Variants in GRIN2B observed in about 807,000 individuals in gnomAD.
The protein encoded by GRIN2B is glutamate ionotropic receptor NMDA type subunit 2B, also known as glutamate receptor ionotropic, NMDA 2B.
In GRIN2B, 5 loss-of-function variants were observed where a neutral mutation model predicts 114.5. That is an observed-to-expected ratio of 0.04 (90% CI 0.02 to 0.09). The LOEUF is 0.09. GRIN2B is among the 10% of genes least tolerant of loss of function. The pLI is 1.00. For synonymous variants in GRIN2B, 787 were observed against 745.1 expected, an observed-to-expected ratio of 1.06 and a Z score of -0.92; for missense variants, 1,108 against 1,943.5, an observed-to-expected ratio of 0.57 and a Z score of 8.08.
chr12:13,679,589 C>T (rs1425015519), intron 4 of GRIN2B, among the ~76,000 whole-genome samples: 3 of 152,084 alleles, frequency 2.0e-5, no homozygotes, highest in Non-Finnish European at 4.4e-5. Flanking sequence ...TATTCTTCTC[C>T]AAAGTATCCT....
intron 5 of GRIN2B, among the ~76,000 whole-genome samples, chr12:13,658,460 G>GA (rs1949889344): frequency 6.6e-6 from 1 of 152,012 alleles, no homozygotes; most frequent in South Asian, 2.1e-4. Flanking sequence ...CTCAGATTCT[G>GA]AAAAAGAGAT....
intron 2 of GRIN2B, among the ~76,000 whole-genome samples, chr12:13,902,894 T>C (rs77338341): frequency 0.06 from 9,082 of 152,306 alleles, 367 homozygotes; most frequent in Non-Finnish European, 0.098. Flanking sequence ...GGCACACTTT[T>C]TTAGAAAGAT....
intron 3 of GRIN2B, among the ~76,000 whole-genome samples, chr12:13,767,588 C>T (rs74065284): frequency 0.014 from 2,142 of 152,236 alleles, 49 homozygotes; most frequent in African/African-American, 0.048. Context: ...ATGATCTGAG[C>T]TAGAGGTACT....
intron 2 of GRIN2B, among the ~76,000 whole-genome samples, chr12:13,923,729 G>A (rs1173038692): frequency 6.6e-6 from 1 of 152,048 alleles, no homozygotes; most frequent in Non-Finnish European, 1.5e-5. Context: ...ATCTTTGCTT[G>A]GGGCTAAAAG....
intron 4 of GRIN2B, among the ~76,000 whole-genome samples, chr12:13,689,130 T>C (rs763774436): frequency 1.3e-5 from 2 of 152,180 alleles, no homozygotes; most frequent in Non-Finnish European, 1.5e-5. Context: ...TGGCACAAAC[T>C]CTTCTTCTAA....
intron 4 of GRIN2B, among the ~76,000 whole-genome samples, chr12:13,716,564 G>T (rs1950457783): frequency 6.6e-6 from 1 of 151,906 alleles, no homozygotes; most frequent in African/African-American, 2.4e-5. Flanking sequence ...TGAAATACGA[G>T]ATTGATGTCG....
chr12:13,575,410 G>A (rs1365532248), intron 10 of GRIN2B, among the ~76,000 whole-genome samples: 1 of 152,174 alleles, frequency 6.6e-6, no homozygotes, highest in Non-Finnish European at 1.5e-5. Context: ...TGTAATCCCA[G>A]CACTTTGGAA....
rs574130239 is a variant in GRIN2B, at chr12:13,564,195, A to T, written c.3043T>A (p.Ser1015Thr). ...DCDNPPFTTQ[S>T]RSISKKPLDI... ...AGGGGCTTCTTGCTGATGGACCTGG[A>T]CTGGGTGGTGAAGGGTGGGTTGTCA... Residue 1015 changes from serine (S) to threonine (T), a missense_variant, in exon 14 of 14, where the codon TCC becomes ACC. By Grantham distance (58) the Ser-to-Thr change is moderately conservative (BLOSUM62 1). Coordinates refer to ENST00000609686, the MANE Select transcript of GRIN2B (RefSeq NM_000834.5). This position sits in a 1 kb window ranked among gnomAD's most constrained non-coding sequence, Gnocchi z 4.8. 1.9e-6 allele frequency: 3 copies of T among 1,614,024 alleles called. No homozygotes were observed. Among genetic ancestry groups the T allele is most frequent in the Non-Finnish European group, 2.5e-6 (3 of 1,179,988 alleles).
chr12:13,844,267 T>C (rs1865432563), intron 3 of GRIN2B, among the ~76,000 whole-genome samples: 1 of 152,210 alleles, frequency 6.6e-6, no homozygotes, highest in South Asian at 2.1e-4. Context: ...TTAATCCTTC[T>C]CCTTATTTTA....
intron 5 of GRIN2B, among the ~76,000 whole-genome samples, chr12:13,641,218 C>A (rs112763502): frequency 0.24 from 36,227 of 151,830 alleles, 5,500 homozygotes; most frequent in Middle Eastern, 0.41. Flanking sequence ...ATTACAGGTG[C>A]CTGCCACCAC....
chr12:13,571,732 A>T, intron 11 of GRIN2B, 72 bp downstream of exon 11: 3 of 1,440,106 alleles, frequency 2.1e-6, no homozygotes, highest in Non-Finnish European at 2.9e-6. Flanking sequence ...TACCTAGTGC[A>T]TGTGATTCAA....
chr12:13,591,693 T>C (rs1949010744), intron 10 of GRIN2B, among the ~76,000 whole-genome samples: 1 of 152,164 alleles, frequency 6.6e-6, no homozygotes, highest in African/African-American at 2.4e-5. Flanking sequence ...ACTGTAACTA[T>C]TGATGTGGTT....
At chr12:13,851,960 AGCAT>A (rs1191718951) in intron 3 of GRIN2B, among the ~76,000 whole-genome samples, 1 of 152,184 alleles carries the variant, frequency 6.6e-6, no homozygotes, top group Non-Finnish European at 1.5e-5. Flanking sequence ...GGGTGGAAGC[AGCAT>A]GCAGAAACCA....
At chr12:13,710,467 T>C (rs754017940) in intron 4 of GRIN2B, among the ~76,000 whole-genome samples, 1 of 152,132 alleles carries the variant, frequency 6.6e-6, no homozygotes, top group Non-Finnish European at 1.5e-5. Context: ...CACGATTGTA[T>C]GTCTAGAAAA....
At chr12:13,789,303 C>T (rs1198940771) in intron 3 of GRIN2B, among the ~76,000 whole-genome samples, 6 of 152,204 alleles carry the variant, frequency 3.9e-5, no homozygotes, top group Admixed American at 3.9e-4. Context: ...GAGGCAATAA[C>T]TGCAAAAGCA....
In GRIN2B at chr12:13,666,348, C is replaced by T. The variant is rs148058781; in HGVS notation, c.1125+9397G>A. Among the ~76,000 whole-genome samples the T allele has an allele frequency of 1.4e-3, 208 of 152,230 alleles. 2 individuals are homozygous for T. Among genetic ancestry groups the T allele is most frequent in the African/African-American group, 4.7e-3 (194 of 41,542 alleles). Reference sequence around the variant, plus strand: ...GCCACCTCTATGACAGCGAAGGACACCTGGCCACAGAAGAGAGAGGGAGGG... The same window carrying T: ...GCCACCTCTATGACAGCGAAGGACATCTGGCCACAGAAGAGAGAGGGAGGG... On this transcript the variant is annotated intron_variant, in intron 5 of 13. Transcript: ENST00000609686.
chr12:13,545,537 A>AAAAC lies in GRIN2B; in HGVS notation c.*17242_*17245dup, dbSNP rs1450836314. The AAAAC allele has an allele frequency of 2.6e-5, 4 of 152,204 alleles. No homozygotes were observed. In the East Asian group the frequency reaches 7.7e-4, roughly 29 times the overall value. 9.4% of individuals were successfully genotyped at this position (152,204 alleles called of 1,614,324 possible). ...CCCCAAAATAAGAGCTCCAGTAAACAAAACAATGCAAGCAAGGAAACAACT... is the reference window on the plus strand; with the variant it reads ...CCCCAAAATAAGAGCTCCAGTAAACAAAACAAACAATGCAAGCAAGGAAACAACT... On this transcript the variant is annotated 3_prime_UTR_variant, in exon 14 of 14. Coordinates refer to ENST00000609686, the MANE Select transcript of GRIN2B (RefSeq NM_000834.5).
At chr12:13,662,593 A>G (rs1949935225) in intron 5 of GRIN2B, among the ~76,000 whole-genome samples, 1 of 152,176 alleles carries the variant, frequency 6.6e-6, no homozygotes, top group Non-Finnish European at 1.5e-5. Context: ...ACCAAGACAC[A>G]GGCTCCTTGA....
At chr12:13,604,413 A>T (rs1949209308) in intron 10 of GRIN2B, among the ~76,000 whole-genome samples, 1 of 152,238 alleles carries the variant, frequency 6.6e-6, no homozygotes, top group Non-Finnish European at 1.5e-5. Context: ...TAACTTTTTA[A>T]AAAGCTATAA....
Sources: allele counts gnomAD v4.1 joint callset (sites outside exome capture counted in the v4.1 genomes callset), GRCh38; gene constraint gnomAD v4.1.1; non-coding constraint Gnocchi (gnomAD v3.1); transcripts MANE v1.5; gene names NCBI Gene and HGNC (gene_info 2026-07-23, HGNC 2026-07-21).